GRIK1: variants seen among roughly 807,000 people sequenced by gnomAD.
GRIK1 encodes glutamate ionotropic receptor kainate type subunit 1, also known as glutamate receptor ionotropic, kainate 1.
GRIK1 carries 69 observed loss-of-function variants against 105.7 expected under a neutral mutation model. The ratio of observed to expected loss-of-function variants is 0.65; its 90% CI spans 0.54 to 0.80. The LOEUF is 0.80. GRIK1 is among the 30% of genes least tolerant of loss of function. The probability of loss-of-function intolerance (pLI) is 0.00; values close to 1 mark genes in which losing one functional copy is unlikely to be tolerated. For missense variants in GRIK1, 1,109 were observed against 1,167.3 expected, an observed-to-expected ratio of 0.95 and a Z score of 0.73; for synonymous variants, 438 against 431.3, an observed-to-expected ratio of 1.02 and a Z score of -0.19.
At chr21:29,753,539 G>C in intron 1 of GRIK1, among the ~76,000 whole-genome samples, 1 of 152,178 alleles carries the variant, frequency 6.6e-6, no homozygotes, top group East Asian at 1.9e-4. Flanking sequence ...ATTACTGTTA[G>C]CTACCATAAA....
At chr21:29,709,699 T>C (rs1465281878) in intron 1 of GRIK1, among the ~76,000 whole-genome samples, 1 of 152,076 alleles carries the variant, frequency 6.6e-6, no homozygotes, top group Non-Finnish European at 1.5e-5. Context: ...AAACAAATCA[T>C]ACAATATTTT....
At chr21:29,703,680 C>A (rs915191894) in intron 1 of GRIK1, among the ~76,000 whole-genome samples, 2 of 152,166 alleles carry the variant, frequency 1.3e-5, no homozygotes, top group African/African-American at 2.4e-5. Flanking sequence ...TGTTTCTTGA[C>A]CTGATGGAAA....
At chr21:29,552,205 T>C (rs545253504) in intron 16 of GRIK1, among the ~76,000 whole-genome samples, 1 of 152,204 alleles carries the variant, frequency 6.6e-6, no homozygotes, top group African/African-American at 2.4e-5. Context: ...ATATCTCTAC[T>C]TCAAGGAAGT....
At chr21:29,712,754 G>T (rs1163149310) in intron 1 of GRIK1, among the ~76,000 whole-genome samples, 2 of 152,170 alleles carry the variant, frequency 1.3e-5, no homozygotes, top group Admixed American at 1.3e-4. Context: ...ATTAAGGAAA[G>T]AAACTATCTT....
At chr21:29,746,332 G>A (rs888708369) in intron 1 of GRIK1, among the ~76,000 whole-genome samples, 2 of 152,136 alleles carry the variant, frequency 1.3e-5, no homozygotes, top group African/African-American at 2.4e-5. Context: ...CTGCCTATGT[G>A]CCAAGCCCTT....
At chr21:29,826,974 G>A (rs146662) in intron 1 of GRIK1, among the ~76,000 whole-genome samples, 14 of 151,804 alleles carry the variant, frequency 9.2e-5, no homozygotes, top group South Asian at 2.1e-4. Flanking sequence ...GACCACATGC[G>A]TTTATTTCAA....
chr21:29,651,064 A>G, intron 6 of GRIK1, 54 bp downstream of exon 6: 1 of 1,330,924 alleles, frequency 7.5e-7, no homozygotes, highest in Non-Finnish European at 1.0e-6. Context: ...TGAGATCTTA[A>G]CCCCGAAGGC....
At chr21:29,799,957 G>A (rs549104650) in intron 1 of GRIK1, among the ~76,000 whole-genome samples, 1 of 152,326 alleles carries the variant, frequency 6.6e-6, no homozygotes, top group East Asian at 1.9e-4. Context: ...ATTTTGTTAA[G>A]TGGAAAATAA....
At chr21:29,762,432 G>T (rs926814831) in intron 1 of GRIK1, among the ~76,000 whole-genome samples, 1 of 152,126 alleles carries the variant, frequency 6.6e-6, no homozygotes, top group Non-Finnish European at 1.5e-5. Context: ...CAAATTGTGA[G>T]GAATTACATT....
chr21:29,808,290 G>A (rs1424481565), intron 1 of GRIK1, among the ~76,000 whole-genome samples: 1 of 152,116 alleles, frequency 6.6e-6, no homozygotes, highest in Non-Finnish European at 1.5e-5. Context: ...ACTCATTGGT[G>A]AGTTCCAGTG....
intron 1 of GRIK1, among the ~76,000 whole-genome samples, chr21:29,917,419 A>G (rs1167270632): frequency 6.6e-6 from 1 of 152,020 alleles, no homozygotes; most frequent in African/African-American, 2.4e-5. Flanking sequence ...TCTCTGCATC[A>G]CTGACATTTT....
chr21:29,811,804 C>T (rs2067016097), intron 1 of GRIK1, among the ~76,000 whole-genome samples: 1 of 152,204 alleles, frequency 6.6e-6, no homozygotes, highest in African/African-American at 2.4e-5. Context: ...CTTCTCCTGC[C>T]TTCTGCTGAA....
chr21:29,660,643 G>A (rs363568), intron 4 of GRIK1, among the ~76,000 whole-genome samples: 10,860 of 152,142 alleles, frequency 0.071, 536 homozygotes, highest in Non-Finnish European at 0.1. Context: ...GCAACTTTGA[G>A]GTGTTCTTGT....
chr21:29,632,372 T>G (rs781207562), intron 7 of GRIK1, among the ~76,000 whole-genome samples: 3 of 152,066 alleles, frequency 2.0e-5, no homozygotes, highest in Non-Finnish European at 2.9e-5. Context: ...TAAATACTTT[T>G]GGAATGGATT....
chr21:29,837,035 G>A (rs756143790), intron 1 of GRIK1, among the ~76,000 whole-genome samples: 8 of 152,144 alleles, frequency 5.3e-5, no homozygotes, highest in Non-Finnish European at 7.4e-5. Flanking sequence ...ACCCTTCACC[G>A]TAAGTACACC....
intron 1 of GRIK1, among the ~76,000 whole-genome samples, chr21:29,800,877 C>T (rs1418243536): frequency 6.6e-6 from 1 of 152,084 alleles, no homozygotes; most frequent in Non-Finnish European, 1.5e-5. Flanking sequence ...TACCTGAGTG[C>T]CTGAGGACAG....
chr21:29,830,353 ACACACACACT>A (rs768102526), intron 1 of GRIK1, among the ~76,000 whole-genome samples: 1,939 of 134,668 alleles, frequency 0.014, 23 homozygotes, highest in South Asian at 0.04. Context: ...ACACACACAC[ACACACACACT>A]CACACACATA....
At chr21:29,845,910 A>G (rs2068098375) in intron 1 of GRIK1, among the ~76,000 whole-genome samples, 1 of 152,174 alleles carries the variant, frequency 6.6e-6, no homozygotes, top group Non-Finnish European at 1.5e-5. Flanking sequence ...TCACCCTGTT[A>G]CATGCTTTGT....
At chr21:29,596,688 T>A in intron 8 of GRIK1, 118 bp from the exon 9 acceptor site, 2 of 779,232 alleles carry the variant, frequency 2.6e-6, no homozygotes, top group South Asian at 1.4e-5. Context: ...ACCCATTGTT[T>A]GGAATTTGCA....
Sources: gnomAD v4.1 joint callset for allele counts (sites outside exome capture counted in the v4.1 genomes callset) on GRCh38, gnomAD v4.1.1 for gene constraint, MANE v1.5 for transcripts, NCBI Gene and HGNC (gene_info 2026-07-23, HGNC 2026-07-21) for gene names.